RIN3: variants seen among roughly 807,000 people sequenced by gnomAD.
RIN3 encodes the protein RAB5 interacting protein 3.
RIN3 carries 54 observed loss-of-function variants against 76.3 expected under a neutral mutation model. The observed-to-expected ratio is 0.71, with a 90% confidence interval of 0.57 to 0.89. The LOEUF (loss-of-function observed/expected upper bound fraction) is 0.89, where lower values mean the gene tolerates loss of function less well. Ranked by LOEUF, RIN3 falls within the 40% of genes least tolerant of loss-of-function variation. The pLI is 0.00. For missense variants in RIN3, 1,256 were observed against 1,322.1 expected, an observed-to-expected ratio of 0.95 and a Z score of 0.78; for synonymous variants, 576 against 564.0, an observed-to-expected ratio of 1.02 and a Z score of -0.30.
intron 3 of RIN3, among the ~76,000 whole-genome samples, chr14:92,594,082 T>A (rs1820214021): frequency 6.6e-6 from 1 of 152,030 alleles, no homozygotes; most frequent in Non-Finnish European, 1.5e-5. Flanking sequence ...ACCTGGAACA[T>A]TCACCAAGAT....
At chr14:92,669,534 G>A (rs968738089) in intron 7 of RIN3, among the ~76,000 whole-genome samples, 4 of 152,200 alleles carry the variant, frequency 2.6e-5, no homozygotes, top group Non-Finnish European at 5.9e-5. Context: ...GGTGGAAAGC[G>A]AGGGCCAGGG....
intron 1 of RIN3, among the ~76,000 whole-genome samples, chr14:92,547,996 A>C (rs1897327594): frequency 6.6e-6 from 1 of 152,112 alleles, no homozygotes; most frequent in Non-Finnish European, 1.5e-5. Context: ...GAGTCACCGC[A>C]CCTGGCCTAT....
chr14:92,610,038 A>C (rs12886904), intron 3 of RIN3, among the ~76,000 whole-genome samples: 1 of 151,810 alleles, frequency 6.6e-6, no homozygotes, highest in South Asian at 2.1e-4. Context: ...AGAAAAAAAA[A>C]TTTTAAGTAT....
intron 3 of RIN3, among the ~76,000 whole-genome samples, chr14:92,593,619 A>G (rs1399530486): frequency 6.6e-6 from 1 of 152,230 alleles, no homozygotes; most frequent in African/African-American, 2.4e-5. Flanking sequence ...GCAGCACACC[A>G]ACATGGCACA....
intron 1 of RIN3, among the ~76,000 whole-genome samples, chr14:92,546,568 C>T (rs1186691004): frequency 6.6e-6 from 1 of 152,228 alleles, no homozygotes; most frequent in East Asian, 1.9e-4. Context: ...GTAAATGCTG[C>T]AGCAGCAGTG....
intron 7 of RIN3, among the ~76,000 whole-genome samples, chr14:92,665,370 C>CTTT (rs55818571): frequency 3.6e-5 from 3 of 83,612 alleles, no homozygotes; most frequent in Admixed American, 1.4e-4. Flanking sequence ...GCCTTTGTCT[C>CTTT]TTTTTTTTTT....
chr14:92,566,508 A>G (rs1897919536), intron 2 of RIN3, among the ~76,000 whole-genome samples: 1 of 152,192 alleles, frequency 6.6e-6, no homozygotes, highest in Non-Finnish European at 1.5e-5. Context: ...GGAGAGCAGG[A>G]TGGTCAAGAT....
chr14:92,537,034 A>C (rs1224764839), intron 1 of RIN3, among the ~76,000 whole-genome samples: 3 of 152,126 alleles, frequency 2.0e-5, no homozygotes, highest in Admixed American at 6.5e-5. Context: ...AAAAAGATGT[A>C]CAGTGAAGAA....
intron 1 of RIN3, among the ~76,000 whole-genome samples, chr14:92,549,019 C>A (rs10131276): frequency 1.3e-5 from 2 of 151,782 alleles, no homozygotes; most frequent in East Asian, 3.9e-4. Context: ...CTCCCTCCCA[C>A]GCCGGCCCCT....
intron 8 of RIN3, among the ~76,000 whole-genome samples, chr14:92,678,251 T>C: frequency 8.3e-6 from 1 of 120,106 alleles, no homozygotes; most frequent in Non-Finnish European, 1.7e-5. Context: ...CTCATCCACC[T>C]AACCACCCAC....
chr14:92,577,417 C>G lies in RIN3; in HGVS notation c.307C>G (p.Pro103Ala), dbSNP rs1354710134. The stretch of plus-strand genomic sequence containing the variant: ...GCAGCTGGTGCTCTGTGTCCACTTT[C>G]CTTCTCTGAACGAAAGCTCGGCCGA... The part of the protein sequence containing the change: ...SKQLVLCVHF[P>A]SLNESSAEVL... The change falls in exon 3 of 10, where the codon CCT becomes GCT. Residue 103 changes from proline (P) to alanine (A), a missense_variant. Around this residue, in one of 3 missense-constraint regions of RIN3, gnomAD observed 610 missense variants for 626.4 expected, o/e 0.97. Coordinates refer to ENST00000216487, the MANE Select transcript of RIN3 (RefSeq NM_024832.5). 3.7e-6 allele frequency: 6 copies of G among 1,613,922 alleles called. No individual in the cohort carries two copies. Among genetic ancestry groups the G allele is most frequent in the Non-Finnish European group, 5.1e-6 (6 of 1,179,888 alleles).
At chr14:92,659,140 C>T (rs1167219096) in intron 6 of RIN3, 21 bp from the exon 7 acceptor site, 13 of 1,612,374 alleles carry the variant, frequency 8.1e-6, no homozygotes, top group Middle Eastern at 1.6e-4. Context: ...TCCTCACCCT[C>T]GCTCTCTTGT....
rs546852720 is a variant in RIN3, at chr14:92,685,473, G to A, written c.2631+323G>A. On this transcript the variant is annotated intron_variant, in intron 9 of 9. Coordinates refer to ENST00000216487, the MANE Select transcript of RIN3 (RefSeq NM_024832.5). The surrounding 1 kb of genome is among the most constrained non-coding windows in gnomAD (Gnocchi z 4.7). ...CAGCACCCTGCAGGGGCTGGAGATG[G>A]GGACTTGTCATCCCAGTCCCTGCTT... 43 of 276,756 alleles carry A rather than the reference G, an allele frequency of 1.6e-4. No homozygotes were observed. Among genetic ancestry groups the A allele is most frequent in the African/African-American group, 8.7e-4 (41 of 47,246 alleles). The allele number at this position is 276,756 out of a possible 1,614,324, so 17.1% of individuals were successfully genotyped here.
In RIN3 at chr14:92,568,622, C is replaced by T. The variant is rs75062076; in HGVS notation, c.250-8738C>T. Among the ~76,000 whole-genome samples, 1 of 152,344 alleles carries T rather than the reference C, an allele frequency of 6.6e-6. No homozygotes were observed. Among genetic ancestry groups the T allele is most frequent in the East Asian group, 1.9e-4 (1 of 5,180 alleles). Reference sequence around the variant, plus strand: ...CCACAGCACGTACCTGTCAGTGTCACCCTCACCCATGGCCACCTGGGCAGG... The same window carrying T: ...CCACAGCACGTACCTGTCAGTGTCATCCTCACCCATGGCCACCTGGGCAGG... On this transcript the variant is annotated intron_variant, in intron 2 of 9. Transcript: ENST00000216487. The surrounding 1 kb of genome is among the most constrained non-coding windows in gnomAD (Gnocchi z 4.2).
chr14:92,659,530 C>T, intron 7 of RIN3, 61 bp downstream of exon 7: 1 of 1,441,602 alleles, frequency 6.9e-7, no homozygotes, highest in Non-Finnish European at 9.4e-7. Context: ...TCCATGACCC[C>T]ACCCTGACCA....
chr14:92,662,087 T>C (rs1377237748), intron 7 of RIN3, among the ~76,000 whole-genome samples: 1 of 152,250 alleles, frequency 6.6e-6, no homozygotes, highest in Non-Finnish European at 1.5e-5. Flanking sequence ...CCCAGAGGGC[T>C]GGGACCCAGG....
chr14:92,672,730 A>G (rs1004022146), intron 7 of RIN3, among the ~76,000 whole-genome samples: 5 of 151,984 alleles, frequency 3.3e-5, no homozygotes, highest in African/African-American at 9.7e-5. Context: ...TTTTCAGTAT[A>G]TTTGCAAGGT....
intron 3 of RIN3, among the ~76,000 whole-genome samples, chr14:92,582,007 G>A (rs977566186): frequency 2.0e-5 from 3 of 152,172 alleles, no homozygotes; most frequent in East Asian, 3.9e-4. Context: ...GGTGGAGGAC[G>A]AGGAAACTGA....
chr14:92,593,143 C>G (rs570635422), intron 3 of RIN3, among the ~76,000 whole-genome samples: 1 of 151,722 alleles, frequency 6.6e-6, no homozygotes, highest in South Asian at 2.1e-4. Context: ...AACTCTAGGA[C>G]AACCACTAAA....
Sources: allele counts gnomAD v4.1 joint callset (sites outside exome capture counted in the v4.1 genomes callset), GRCh38; gene constraint gnomAD v4.1.1; regional missense constraint gnomAD v4.1.1; non-coding constraint Gnocchi (gnomAD v3.1); transcripts MANE v1.5; gene names NCBI Gene and HGNC (gene_info 2026-07-23, HGNC 2026-07-21).